Variants in IRAK1BP1 observed in about 807,000 individuals in gnomAD.
The protein encoded by IRAK1BP1 is interleukin 1 receptor associated kinase 1 binding protein 1.
A neutral mutation model predicts 28.0 loss-of-function variants in IRAK1BP1; 24 were observed. The observed-to-expected ratio is 0.86, with a 90% confidence interval of 0.62 to 1.20. IRAK1BP1 has a LOEUF of 1.20. IRAK1BP1 is among the 50% of genes most tolerant of loss of function. The probability of loss-of-function intolerance (pLI) is 0.00; values close to 1 mark genes in which losing one functional copy is unlikely to be tolerated. For synonymous variants in IRAK1BP1, 131 were observed against 116.3 expected, an observed-to-expected ratio of 1.13 and a Z score of -0.81; for missense variants, 336 against 316.7, an observed-to-expected ratio of 1.06 and a Z score of -0.46.
chr6:78,920,071 T>C (rs1238005657), intron 4 of IRAK1BP1, among the ~76,000 whole-genome samples: 1 of 152,044 alleles, frequency 6.6e-6, no homozygotes, highest in African/African-American at 2.4e-5. Flanking sequence ...CTGGCCAACA[T>C]GGTGAAACCC....
intron 2 of IRAK1BP1, among the ~76,000 whole-genome samples, chr6:78,890,099 G>A (rs559838113): frequency 1.5e-4 from 23 of 152,196 alleles, no homozygotes; most frequent in Non-Finnish European, 2.9e-4. Flanking sequence ...CATAAAAAAG[G>A]ATGCGTTCAT....
At chr6:78,974,260 C>G in the IRAK1BP1 span, among the ~76,000 whole-genome samples, 3 of 151,974 alleles carry the variant, frequency 2.0e-5, no homozygotes, top group Non-Finnish European at 4.4e-5. Flanking sequence ...ACTGAACAAC[C>G]TGCTCCTGAA....
At chr6:78,943,136 C>T (rs1773586595) in intron 4 of IRAK1BP1, among the ~76,000 whole-genome samples, 1 of 152,014 alleles carries the variant, frequency 6.6e-6, no homozygotes. Flanking sequence ...TTAAAATTAA[C>T]TTTACCTGTT....
the IRAK1BP1 span, among the ~76,000 whole-genome samples, chr6:78,969,654 T>C: frequency 6.6e-6 from 1 of 152,168 alleles, no homozygotes; most frequent in Non-Finnish European, 1.5e-5. Context: ...TCGACTGTTT[T>C]CATTCCTAAA....
At chr6:78,970,291 G>A in the IRAK1BP1 span, 1 of 759,488 alleles carries the variant, frequency 1.3e-6, no homozygotes. Context: ...GGTGATGACT[G>A]TGTACATGTA....
At chr6:78,969,911 A>G in the IRAK1BP1 span, 1 of 1,593,306 alleles carries the variant, frequency 6.3e-7, no homozygotes, top group Non-Finnish European at 8.6e-7. Context: ...CAGGCATATC[A>G]TGGTATCTAA....
the IRAK1BP1 span, chr6:78,961,874 C>A: frequency 7.5e-7 from 1 of 1,325,796 alleles, no homozygotes; most frequent in East Asian, 2.6e-5. Context: ...AAGAAGAATT[C>A]TGCTTGAATT....
At chr6:78,917,449 G>A (rs1217718449) in intron 4 of IRAK1BP1, among the ~76,000 whole-genome samples, 2 of 151,956 alleles carry the variant, frequency 1.3e-5, no homozygotes, top group African/African-American at 4.8e-5. Flanking sequence ...AAATTGTTGG[G>A]ATTCCTGAAA....
chr6:78,882,819 T>C (rs984294093), intron 1 of IRAK1BP1, among the ~76,000 whole-genome samples: 2 of 152,210 alleles, frequency 1.3e-5, no homozygotes, highest in African/African-American at 2.4e-5. Flanking sequence ...TTAATGGTAA[T>C]CTACTAATGT....
Position 78,902,690 on chromosome 6 carries a change from G to A in IRAK1BP1, c.*4356G>A, listed in dbSNP as rs376361054. The A allele has an allele frequency of 8.9e-5, 22 of 248,486 alleles. No individual in the cohort carries two copies. In the South Asian group the frequency reaches 1.3e-3, roughly 14 times the overall value. The allele number at this position is 248,486 out of a possible 1,614,324, so 15.4% of individuals were successfully genotyped here. On this transcript the variant is annotated 3_prime_UTR_variant, in exon 4 of 4. Coordinates refer to ENST00000369940, the MANE Select transcript of IRAK1BP1 (RefSeq NM_001010844.4). ...GGAGGCTGAAGCAGAAGAAACGCTC[G>A]AACCTGGGAGGCAGAGCTTACAGTG...
downstream of IRAK1BP1, chr6:78,947,786 G>A: frequency 1.3e-6 from 2 of 1,591,468 alleles, no homozygotes; most frequent in Non-Finnish European, 1.7e-6. Context: ...CTAGGAGAGG[G>A]AAAACAGGTG....
At chr6:78,975,366 A>T in the IRAK1BP1 span, among the ~76,000 whole-genome samples, 1 of 152,342 alleles carries the variant, frequency 6.6e-6, no homozygotes, top group Admixed American at 6.5e-5. Flanking sequence ...TATTGATGGG[A>T]CATATTTCAA....
At chr6:78,875,736 A>G (rs1447481914) in intron 1 of IRAK1BP1, among the ~76,000 whole-genome samples, 2 of 152,208 alleles carry the variant, frequency 1.3e-5, no homozygotes, top group Admixed American at 6.5e-5. Context: ...GAGGGAGCAC[A>G]GAAGTGGTTG....
At chr6:78,943,019 A>T (rs1334670634) in intron 4 of IRAK1BP1, among the ~76,000 whole-genome samples, 4 of 152,340 alleles carry the variant, frequency 2.6e-5, no homozygotes, top group Admixed American at 2.6e-4. Context: ...CTTAGGAACT[A>T]AATTTTTATT....
chr6:78,951,871 TATAAATAGCTACAA>T, the IRAK1BP1 span, among the ~76,000 whole-genome samples: 1 of 152,238 alleles, frequency 6.6e-6, no homozygotes, highest in Non-Finnish European at 1.5e-5. Context: ...TGGCTTTGTC[TATAAATAGCTACAA>T]ATAAATAGCT....
At chr6:78,950,641 T>C (rs1157723146), downstream of IRAK1BP1, among the ~76,000 whole-genome samples, 1 of 152,166 alleles carries the variant, frequency 6.6e-6, no homozygotes, top group Non-Finnish European at 1.5e-5. Flanking sequence ...TAGTATTACT[T>C]ATTTTTACTT....
chr6:78,873,821 TATATTAG>T (rs1440290847), intron 1 of IRAK1BP1, among the ~76,000 whole-genome samples: 1 of 152,256 alleles, frequency 6.6e-6, no homozygotes, highest in Non-Finnish European at 1.5e-5. Context: ...ACCTTTGTAG[TATATTAG>T]ATATGTGTAC....
downstream of IRAK1BP1, chr6:78,946,473 G>A: frequency 7.2e-7 from 1 of 1,398,118 alleles, no homozygotes; most frequent in Non-Finnish European, 9.2e-7. Context: ...AAAGCATGAT[G>A]CCATCACTAT....
At chr6:78,965,528 C>G in the IRAK1BP1 span, among the ~76,000 whole-genome samples, 5 of 152,140 alleles carry the variant, frequency 3.3e-5, no homozygotes, top group African/African-American at 4.8e-5. Flanking sequence ...TTATATCTAT[C>G]TTCTTCACTG....
Sources: gnomAD v4.1 joint callset for allele counts (sites outside exome capture counted in the v4.1 genomes callset) on GRCh38, gnomAD v4.1.1 for gene constraint, MANE v1.5 for transcripts, NCBI Gene and HGNC (gene_info 2026-07-23, HGNC 2026-07-21) for gene names.